The following DNAH3 variants were observed in gnomAD, a reference collection of about 807,000 sequenced individuals.
DNAH3 encodes axonemal beta dynein heavy chain 3.
DNAH3 carries 332 observed loss-of-function variants against 432.5 expected under a neutral mutation model. The ratio of observed to expected loss-of-function variants is 0.77; its 90% CI spans 0.70 to 0.84. The LOEUF (loss-of-function observed/expected upper bound fraction) is 0.84, where lower values mean the gene tolerates loss of function less well. DNAH3 is among the 40% of genes least tolerant of loss of function. The pLI, the probability that DNAH3 is intolerant of heterozygous loss-of-function variation, is 0.00. For synonymous variants in DNAH3, 1,956 were observed against 1,900.2 expected (o/e 1.03, Z -0.76); for missense variants, 4,861 against 5,114.0 (o/e 0.95, Z 1.51).
intron 59 of DNAH3, 40 bp downstream of exon 59, chr16:20,941,361 G>T: frequency 6.2e-7 from 1 of 1,611,314 alleles, no homozygotes; most frequent in Non-Finnish European, 8.5e-7. Context: ...TACTCCTCAC[G>T]TTCCAACTCC....
At chr16:21,116,339 A>T (rs1401244330) in intron 12 of DNAH3, among the ~76,000 whole-genome samples, 1 of 152,030 alleles carries the variant, frequency 6.6e-6, no homozygotes, top group Non-Finnish European at 1.5e-5. Flanking sequence ...TAATTTAATC[A>T]TGAGAGCGGT....
chr16:21,067,445 C>T (rs1427754521), intron 23 of DNAH3, 26 bp from the exon 24 acceptor site: 8 of 1,612,842 alleles, frequency 5.0e-6, no homozygotes, highest in Non-Finnish European at 6.8e-6. Flanking sequence ...AAAAGTGAGA[C>T]TCATCATAAG....
chr16:20,979,392 C>T lies in DNAH3; in HGVS notation c.8014G>A (p.Val2672Met), dbSNP rs958112898. The T allele has an allele frequency of 1.2e-6, 2 of 1,614,044 alleles. No individual in the cohort carries two copies. Among genetic ancestry groups the T allele is most frequent in the Admixed American group, 1.7e-5 (1 of 59,994 alleles). Reference sequence around the variant, plus strand: ...AGGTAGCGGTTCCTCATCATAGCCACCTCTTGCCTCTTGCTATTCAGGAGC... The same window carrying T: ...AGGTAGCGGTTCCTCATCATAGCCATCTCTTGCCTCTTGCTATTCAGGAGC... The change falls in exon 50 of 62, where the codon GTG becomes ATG. Residue 2672 changes from valine to methionine, a missense_variant. Physicochemically the swap from Val to Met is conservative, Grantham distance 21. Coordinates refer to ENST00000261383, the Ensembl canonical transcript of DNAH3.
intron 18 of DNAH3, 32 bp downstream of exon 18, chr16:21,097,323 A>C: frequency 6.2e-7 from 1 of 1,611,904 alleles, no homozygotes; most frequent in Non-Finnish European, 8.5e-7. Flanking sequence ...CCTCATCCCC[A>C]TCTGTCCCAG....
intron 48 of DNAH3, among the ~76,000 whole-genome samples, chr16:20,983,469 C>T (rs1293607930): frequency 1.3e-5 from 2 of 152,164 alleles, no homozygotes; most frequent in African/African-American, 4.8e-5. Flanking sequence ...ATTGTTCCTT[C>T]CGCATCCTTC....
chr16:21,117,164 A>C (rs779227246), intron 12 of DNAH3, 39 bp downstream of exon 12: 2 of 1,435,382 alleles, frequency 1.4e-6, no homozygotes, highest in East Asian at 2.3e-5. Context: ...AATCAATCCC[A>C]AAAAGCTACA....
chr16:21,096,076 T>C (rs561795093), intron 18 of DNAH3, among the ~76,000 whole-genome samples: 1 of 152,092 alleles, frequency 6.6e-6, no homozygotes, highest in African/African-American at 2.4e-5. Flanking sequence ...GGCTTTCTTG[T>C]GTTTATAAAT....
chr16:21,026,682 C>T (rs2088574244), intron 38 of DNAH3, among the ~76,000 whole-genome samples: 1 of 109,932 alleles, frequency 9.1e-6, no homozygotes, highest in Admixed American at 1.3e-4. Flanking sequence ...GCCTGGGTGA[C>T]AGAGTGATAC....
At chr16:20,947,462 G>A (rs1186158007) in intron 57 of DNAH3, among the ~76,000 whole-genome samples, 2 of 152,178 alleles carry the variant, frequency 1.3e-5, no homozygotes, top group Admixed American at 6.5e-5. Flanking sequence ...GAACCCCAAC[G>A]TGAAGCTGGT....
intron 36 of DNAH3, 64 bp downstream of exon 36, chr16:21,033,910 C>A: frequency 8.4e-7 from 1 of 1,189,656 alleles, no homozygotes; most frequent in Non-Finnish European, 1.2e-6. Flanking sequence ...GCATTATCTC[C>A]ATGGAGCCAG....
At chr16:20,979,671 A>G (rs1198736088) in intron 49 of DNAH3, 125 bp from the exon 50 acceptor site, 4 of 833,486 alleles carry the variant, frequency 4.8e-6, no homozygotes, top group Middle Eastern at 3.0e-4. Flanking sequence ...TTAGAATCCA[A>G]ACTCTCTGAG....
intron 59 of DNAH3, among the ~76,000 whole-genome samples, chr16:20,939,033 A>T (rs2083704026): frequency 2.0e-5 from 3 of 152,190 alleles, no homozygotes; most frequent in African/African-American, 7.2e-5. Flanking sequence ...TGCTGGGATT[A>T]CAGTGCTGGG....
At chr16:21,054,376 T>C (rs755860487) in intron 28 of DNAH3, 44 bp downstream of exon 28, 2 of 1,431,422 alleles carry the variant, frequency 1.4e-6, no homozygotes, top group East Asian at 4.5e-5. Flanking sequence ...CTAGACTGCT[T>C]CTCCTGGATA....
At chr16:21,042,413 A>G (rs2089486691) in intron 31 of DNAH3, among the ~76,000 whole-genome samples, 2 of 150,346 alleles carry the variant, frequency 1.3e-5, no homozygotes, top group Non-Finnish European at 3.0e-5. Flanking sequence ...GTGTGTGTTA[A>G]TAGTTTCCAT....
intron 22 of DNAH3, 44 bp from the exon 23 acceptor site, chr16:21,069,638 C>A: frequency 6.5e-7 from 1 of 1,543,236 alleles, no homozygotes; most frequent in South Asian, 1.2e-5. Flanking sequence ...ACCTGCCACT[C>A]TGCATCACAG....
chr16:21,159,405 C>T lies in DNAH3; in HGVS notation c.37G>A (p.Ala13Thr), dbSNP rs150677996. ...AAGGCTGGGCCCGGATGGGGAGGGG[C>T]GGCCAGTGTGAGCTCGAGGCGCCCT... is the stretch of plus-strand genomic sequence containing the variant. Residue 13 changes from alanine to threonine, a missense_variant, in exon 1 of 62, where the codon GCC (alanine) becomes ACC (threonine). Physicochemically the swap from Ala to Thr is moderately conservative, Grantham distance 58 (BLOSUM62 0). Coordinates refer to ENST00000261383, the Ensembl canonical transcript of DNAH3. 6.5e-5 allele frequency: 105 copies of T among 1,614,082 alleles called. No homozygotes were observed. The African/African-American group carries it at 1.3e-3, about 20-fold the overall frequency.
intron 32 of DNAH3, among the ~76,000 whole-genome samples, 194 bp downstream of exon 32, chr16:21,041,833 C>T (rs989412883): frequency 6.6e-6 from 1 of 152,024 alleles, no homozygotes; most frequent in Non-Finnish European, 1.5e-5. Context: ...CCACCATGCC[C>T]GGCTAATTTT....
exon 26 of DNAH3, chr16:21,060,334 T>C: frequency 1.2e-6 from 2 of 1,613,992 alleles, no homozygotes; most frequent in Non-Finnish European, 1.7e-6. Flanking sequence ...CTCCACCTGC[T>C]GGAGCCACTT....
chr16:21,119,118 G>A (rs1162731643), intron 11 of DNAH3, among the ~76,000 whole-genome samples: 6 of 152,326 alleles, frequency 3.9e-5, no homozygotes, highest in South Asian at 4.1e-4. Flanking sequence ...CAAAGGCAAC[G>A]AGATGGAGGG....
Sources: allele counts gnomAD v4.1 joint callset (sites outside exome capture counted in the v4.1 genomes callset), GRCh38; gene constraint gnomAD v4.1.1; transcripts MANE v1.5; gene names NCBI Gene and HGNC (gene_info 2026-07-23, HGNC 2026-07-21).